PDLIM5: variants seen among roughly 807,000 people sequenced by gnomAD.
PDLIM5 encodes PDZ and LIM domain 5.
Under a neutral mutation model 64.2 loss-of-function variants are expected in PDLIM5, and 34 were observed. The observed-to-expected ratio is 0.53, with a 90% CI of 0.40 to 0.71. The LOEUF is 0.71. Among genes scored for constraint, PDLIM5 ranks in the 30% least tolerant of loss-of-function variants. The probability of loss-of-function intolerance (pLI) is 0.00; values close to 1 mark genes in which losing one functional copy is unlikely to be tolerated. For synonymous variants in PDLIM5, 253 were observed against 269.1 expected (o/e 0.94, Z 0.59); for missense variants, 683 against 733.6 (o/e 0.93, Z 0.80).
intron 3 of PDLIM5, among the ~76,000 whole-genome samples, chr4:94,539,079 A>C (rs985499569): frequency 1.3e-5 from 2 of 152,172 alleles, no homozygotes; most frequent in African/African-American, 4.8e-5. Flanking sequence ...AGGGCAAGTA[A>C]TAAGTCAGTA....
At chr4:94,559,316 AT>A (rs1733636711) in intron 3 of PDLIM5, among the ~76,000 whole-genome samples, 1 of 152,072 alleles carries the variant, frequency 6.6e-6, no homozygotes, top group African/African-American at 2.4e-5. Context: ...ATCTAGTGCT[AT>A]TTTTACAAGG....
intron 9 of PDLIM5, 43 bp downstream of exon 9, chr4:94,640,493 A>G (rs1441183549): frequency 1.8e-6 from 2 of 1,113,870 alleles, no homozygotes; most frequent in African/African-American, 1.9e-5. Context: ...CTTAATATCA[A>G]TGTTGGGTTT....
intron 5 of PDLIM5, among the ~76,000 whole-genome samples, chr4:94,576,293 C>T (rs367748650): frequency 1.3e-5 from 2 of 152,178 alleles, no homozygotes; most frequent in African/African-American, 4.8e-5. Flanking sequence ...TTTGTAAGTC[C>T]CGACACAGCA....
At position 94,601,467 on chromosome 4, in the gene PDLIM5, TC is replaced by T. The variant is rs1578450072; in HGVS notation, c.920+15025del. ...ATAACAACAAATAATAAGTTCCAAT[TC>T]CTTCAGCAATATCCCTTTTTGTTTG... On this transcript the variant is annotated intron_variant, in intron 7 of 12. Coordinates refer to ENST00000317968, the MANE Select transcript of PDLIM5 (RefSeq NM_006457.5). Among the ~76,000 whole-genome samples the T allele has an allele frequency of 3.3e-5, 5 of 152,342 alleles. No individual in the cohort carries two copies. The South Asian group carries it at 1.0e-3, about 32-fold the overall frequency.
intron 8 of PDLIM5, among the ~76,000 whole-genome samples, chr4:94,629,280 C>T (rs966948108): frequency 2.6e-5 from 4 of 151,296 alleles, no homozygotes; most frequent in Non-Finnish European, 5.9e-5. Flanking sequence ...ACCTGGGGGG[C>T]GGAGGTCACA....
intron 12 of PDLIM5, among the ~76,000 whole-genome samples, chr4:94,663,152 G>T (rs1578569935): frequency 6.6e-6 from 1 of 152,136 alleles, no homozygotes; most frequent in Non-Finnish European, 1.5e-5. Flanking sequence ...AACGTGCTCT[G>T]TTCAGGTGTT....
At chr4:94,600,886 C>T (rs956698984) in intron 7 of PDLIM5, among the ~76,000 whole-genome samples, 1 of 152,116 alleles carries the variant, frequency 6.6e-6, no homozygotes, top group African/African-American at 2.4e-5. Context: ...CCCTATAGAA[C>T]ATTTTCTATA....
intron 7 of PDLIM5, among the ~76,000 whole-genome samples, chr4:94,609,098 A>T (rs1164170450): frequency 1.3e-5 from 2 of 152,176 alleles, no homozygotes; most frequent in African/African-American, 4.8e-5. Context: ...GACTTATCAA[A>T]TTCTTTTGAC....
chr4:94,563,946 TTTTC>T (rs1446579219), intron 3 of PDLIM5, among the ~76,000 whole-genome samples: 3 of 144,378 alleles, frequency 2.1e-5, no homozygotes, highest in East Asian at 2.0e-4. Flanking sequence ...TCTTTTTTTT[TTTTC>T]TTTCTTTCTT....
Position 94,657,553 on chromosome 4 carries a change from A to G in PDLIM5, c.1585+6A>G, listed in dbSNP as rs1742304112. ...TGAACCCTACTGTGAGACTGGTAAG[A>G]TCAGGGAGCCATTTGTTTCTTGAAT... On this transcript the variant is annotated splice_donor_region_variant and intron_variant, in intron 11 of 12. Coordinates refer to ENST00000317968, the MANE Select transcript of PDLIM5 (RefSeq NM_006457.5). 1.9e-6 allele frequency: 3 copies of G among 1,602,242 alleles called. No individual in the cohort carries two copies. The highest frequency in any genetic ancestry group is 2.6e-6 in the Non-Finnish European group (3 of 1,173,388).
At chr4:94,607,747 A>C (rs1738043259) in intron 7 of PDLIM5, among the ~76,000 whole-genome samples, 2 of 152,264 alleles carry the variant, frequency 1.3e-5, no homozygotes, top group South Asian at 2.1e-4. Flanking sequence ...TTGGAGCCTA[A>C]GTTTTTTTAA....
intron 10 of PDLIM5, among the ~76,000 whole-genome samples, chr4:94,655,040 G>T (rs1742106177): frequency 6.6e-6 from 1 of 152,130 alleles, no homozygotes. Context: ...TATAAGAGCA[G>T]TATTTCCCTA....
chr4:94,551,864 T>C (rs1732838861), intron 3 of PDLIM5, among the ~76,000 whole-genome samples: 1 of 152,124 alleles, frequency 6.6e-6, no homozygotes. Flanking sequence ...TTCTCCAAGA[T>C]GATATGGAGA....
At chr4:94,593,390 A>G (rs1560727759) in intron 7 of PDLIM5, among the ~76,000 whole-genome samples, 2 of 152,158 alleles carry the variant, frequency 1.3e-5, no homozygotes, top group Non-Finnish European at 2.9e-5. Flanking sequence ...TTATTATCTC[A>G]TAGTTCTGGA....
intron 1 of PDLIM5, among the ~76,000 whole-genome samples, chr4:94,454,483 T>C (rs1723147916): frequency 6.6e-6 from 1 of 152,228 alleles, no homozygotes; most frequent in African/African-American, 2.4e-5. Flanking sequence ...CCCAGCACTT[T>C]TGCTGTATTT....
intron 7 of PDLIM5, among the ~76,000 whole-genome samples, chr4:94,592,131 A>C (rs1182599477): frequency 2.6e-5 from 4 of 152,246 alleles, no homozygotes; most frequent in Admixed American, 6.5e-5. Flanking sequence ...ACTTCATCAC[A>C]GGCAGCCTAA....
chr4:94,626,532 AGAAAGGAT>A (rs1739711763), intron 8 of PDLIM5, among the ~76,000 whole-genome samples: 1 of 152,180 alleles, frequency 6.6e-6, no homozygotes, highest in Non-Finnish European at 1.5e-5. Flanking sequence ...GGGATGGGAT[AGAAAGGAT>A]TCTTGCCTTG....
intron 9 of PDLIM5, among the ~76,000 whole-genome samples, chr4:94,645,829 C>T (rs1042329134): frequency 1.3e-5 from 2 of 152,254 alleles, no homozygotes; most frequent in East Asian, 1.9e-4. Flanking sequence ...ATATCTATTA[C>T]TGTATTACAT....
At chr4:94,654,089 T>C (rs1045557080) in intron 9 of PDLIM5, among the ~76,000 whole-genome samples, 1 of 152,176 alleles carries the variant, frequency 6.6e-6, no homozygotes, top group Non-Finnish European at 1.5e-5. Flanking sequence ...CTAAACCATA[T>C]ATTTTTTTCT....
Sources: allele counts gnomAD v4.1 joint callset (sites outside exome capture counted in the v4.1 genomes callset), GRCh38; gene constraint gnomAD v4.1.1; transcripts MANE v1.5; gene names NCBI Gene and HGNC (gene_info 2026-07-23, HGNC 2026-07-21).